The following TPTE2 variants were observed in gnomAD, a reference collection of about 807,000 sequenced individuals.
TPTE2 encodes transmembrane phosphoinositide 3-phosphatase and tensin homolog 2, also known as phosphatidylinositol 3,4,5-trisphosphate 3-phosphatase TPTE2.
TPTE2 carries 53 observed loss-of-function variants against 78.6 expected under a neutral mutation model. The observed-to-expected ratio is 0.67, with a 90% CI of 0.54 to 0.85. TPTE2 has a LOEUF of 0.85. Ranked by LOEUF, TPTE2 falls within the 40% of genes least tolerant of loss-of-function variation. The pLI is 0.00. For missense variants in TPTE2, 461 were observed against 623.0 expected, an observed-to-expected ratio of 0.74 and a Z score of 2.77; for synonymous variants, 175 against 206.2, an observed-to-expected ratio of 0.85 and a Z score of 1.30.
chr13:19,529,358 C>T (rs1281988116), intron 1 of TPTE2, among the ~76,000 whole-genome samples: 1 of 152,078 alleles, frequency 6.6e-6, no homozygotes, highest in Non-Finnish European at 1.5e-5. Context: ...AACTCCTGAC[C>T]TCAGGTGATC....
chr13:19,492,884 T>C (rs746734127), exon 3 of TPTE2: 26 of 1,613,880 alleles, frequency 1.6e-5, no homozygotes, highest in African/African-American at 2.7e-5. Flanking sequence ...GCTGCTCCTT[T>C]AAATTCACTT....
intron 1 of TPTE2, among the ~76,000 whole-genome samples, chr13:19,528,104 G>A (rs112917394): frequency 0.025 from 3,730 of 152,190 alleles, 64 homozygotes; most frequent in Middle Eastern, 0.051. Flanking sequence ...TTTCTTGGCC[G>A]GGTGCGGTGG....
chr13:19,424,855 G>C lies in TPTE2; in HGVS notation c.1466+92C>G, dbSNP rs572581845. ...GGATTTTTTGCTTTCTATAAATTAA[G>C]TTTATGACAACCAGCAAAAGACTTG... On this transcript the variant is annotated intron_variant, in intron 19 of 19. Transcript: ENST00000400230. 135 of 838,838 alleles carry C rather than the reference G, an allele frequency of 1.6e-4. No individual in the cohort carries two copies. In the Middle Eastern group the frequency reaches 3.0e-3, roughly 18 times the overall value. 52.0% of individuals were successfully genotyped at this position (838,838 alleles called of 1,614,324 possible).
At chr13:19,427,472 C>T (rs1479717462) in intron 17 of TPTE2, among the ~76,000 whole-genome samples, 1 of 152,074 alleles carries the variant, frequency 6.6e-6, no homozygotes, top group African/African-American at 2.4e-5. Flanking sequence ...TTTAATGTGT[C>T]TCATTTGATT....
At chr13:19,472,680 A>C (rs1879699907) in intron 6 of TPTE2, among the ~76,000 whole-genome samples, 1 of 152,098 alleles carries the variant, frequency 6.6e-6, no homozygotes, top group Non-Finnish European at 1.5e-5. Context: ...TATTTAGTTC[A>C]TTTGGTGAGG....
At position 19,465,455 on chromosome 13, in the gene TPTE2, G is replaced by A; in HGVS notation, c.612+10C>T. 1 of 1,608,692 alleles carries A rather than the reference G, an allele frequency of 6.2e-7. No homozygotes were observed. Among genetic ancestry groups the A allele is most frequent in the Non-Finnish European group, 8.5e-7 (1 of 1,178,352 alleles). ...TTTTTCTGAATCATAAGCATGTTTT[G>A]CCCACTTACCAGCCTTCTCATCAGC... On this transcript the variant is annotated intron_variant, in intron 8 of 19. Transcript: ENST00000400230.
At position 19,488,127 on chromosome 13, in the gene TPTE2, G is replaced by A. The variant is rs116593508; in HGVS notation, c.119+4723C>T. On this transcript the variant is annotated intron_variant, in intron 3 of 19. Transcript: ENST00000400230. The stretch of plus-strand genomic sequence containing the variant: ...GTCTGCACTCCTTTGCTGCACTCCA[G>A]GACTATGCCTTTGATACTCTAATCA... Among the ~76,000 whole-genome samples the A allele has an allele frequency of 6.9e-3, 1,056 of 152,298 alleles. 11 individuals carry two copies. Among genetic ancestry groups the A allele is most frequent in the African/African-American group, 0.024 (1,008 of 41,556 alleles).
chr13:19,443,330 C>T (rs9513108), intron 13 of TPTE2, among the ~76,000 whole-genome samples: 4,409 of 148,176 alleles, frequency 0.03, 99 homozygotes, highest in Non-Finnish European at 0.049. Flanking sequence ...ATTCAACATC[C>T]ATTCATGATT....
chr13:19,499,959 A>G (rs1881656791), intron 1 of TPTE2, among the ~76,000 whole-genome samples: 1 of 143,912 alleles, frequency 6.9e-6, no homozygotes, highest in South Asian at 2.2e-4. Context: ...AAAAAATGAT[A>G]AAGGGGATAT....
At chr13:19,471,340 G>A (rs1048064453) in intron 6 of TPTE2, among the ~76,000 whole-genome samples, 1 of 152,006 alleles carries the variant, frequency 6.6e-6, no homozygotes, top group Non-Finnish European at 1.5e-5. Context: ...GGTTGTTTTG[G>A]GGTCTTCTCT....
At chr13:19,476,471 G>A (rs2065156705) in intron 4 of TPTE2, among the ~76,000 whole-genome samples, 1 of 151,866 alleles carries the variant, frequency 6.6e-6, no homozygotes. Flanking sequence ...TTAATCCTAA[G>A]ACAATGCTCA....
rs376959929 is a variant in TPTE2 at position 19,482,557 on chromosome 13, C to T, written c.120-10G>A. On this transcript the variant is annotated splice_polypyrimidine_tract_variant and intron_variant, in intron 3 of 19. Coordinates refer to ENST00000400230, the Ensembl canonical transcript of TPTE2. ...AAGTCGTTCTAACATACTTTAGCCACCAAAAAAAAATGCAAAAATATATCA... is the reference window on the plus strand; with the variant it reads ...AAGTCGTTCTAACATACTTTAGCCATCAAAAAAAAATGCAAAAATATATCA... 164 of 1,603,084 alleles carry T rather than the reference C, an allele frequency of 1.0e-4. No homozygotes were observed. The highest frequency in any genetic ancestry group is 1.2e-4 in the Non-Finnish European group (144 of 1,175,730).
upstream of TPTE2, among the ~76,000 whole-genome samples, chr13:19,505,125 T>C (rs182953982): frequency 3.9e-4 from 59 of 152,226 alleles, 1 homozygote; most frequent in African/African-American, 1.4e-3. Flanking sequence ...TATTCATGTG[T>C]ATATCACTAA....
At chr13:19,485,312 A>T (rs1386282229) in intron 3 of TPTE2, among the ~76,000 whole-genome samples, 1 of 151,964 alleles carries the variant, frequency 6.6e-6, no homozygotes. Context: ...TGTAAAGGAT[A>T]GCTGTGCTGG....
chr13:19,432,580 T>C lies in TPTE2; in HGVS notation c.1117-2A>G. On this transcript the variant is annotated splice_acceptor_variant, in intron 15 of 19. Coordinates refer to ENST00000400230, the Ensembl canonical transcript of TPTE2. LOFTEE classifies it high-confidence loss of function. The stretch of plus-strand genomic sequence containing the variant: ...TGCAAAATATCCAACATATCTATTC[T>C]GAAAAGCAACAGAAATCTTCCTTTA... 3.8e-6 allele frequency: 6 copies of C among 1,587,490 alleles called. No individual in the cohort carries two copies. The highest frequency in any genetic ancestry group is 4.3e-6 in the Non-Finnish European group (5 of 1,160,588).
At position 19,486,257 on chromosome 13, in the gene TPTE2, T is replaced by C. The variant is rs1476142945; in HGVS notation, c.120-3710A>G. Among the ~76,000 whole-genome samples, 1 of 149,834 alleles carries C rather than the reference T, an allele frequency of 6.7e-6. No homozygotes were observed. Among genetic ancestry groups the C allele is most frequent in the Non-Finnish European group, 1.5e-5 (1 of 67,148 alleles). On this transcript the variant is annotated intron_variant, in intron 3 of 19. Coordinates refer to ENST00000400230, the Ensembl canonical transcript of TPTE2. The surrounding 1 kb of genome is among the most constrained non-coding windows in gnomAD (Gnocchi z 4.3). The stretch of plus-strand genomic sequence containing the variant: ...ATGGATGCAGTAAGTGTAGTCTCCA[T>C]GTAGTTTATTCAGCTGTGATCTACA...
chr13:19,498,118 T>G (rs1054598325), intron 1 of TPTE2, among the ~76,000 whole-genome samples: 2 of 151,758 alleles, frequency 1.3e-5, no homozygotes, highest in Non-Finnish European at 2.9e-5. Context: ...TAAAAAGAAA[T>G]GAGCAAAGCC....
chr13:19,560,658 G>C, the TPTE2 span: 3 of 1,550,074 alleles, frequency 1.9e-6, no homozygotes, highest in African/African-American at 4.2e-5. Flanking sequence ...GCAAGGCATA[G>C]AGCTTCTCAG....
intron 1 of TPTE2, among the ~76,000 whole-genome samples, chr13:19,517,859 G>C (rs1276784243): frequency 6.6e-6 from 1 of 152,116 alleles, no homozygotes; most frequent in Non-Finnish European, 1.5e-5. Flanking sequence ...AAGGGCATGG[G>C]GTGGGGGAGA....
Sources: gnomAD v4.1 joint callset for allele counts (sites outside exome capture counted in the v4.1 genomes callset) on GRCh38, gnomAD v4.1.1 for gene constraint, Gnocchi (gnomAD v3.1) non-coding constraint, MANE v1.5 for transcripts, NCBI Gene and HGNC (gene_info 2026-07-23, HGNC 2026-07-21) for gene names.